Variants in KATNAL2 observed in about 807,000 individuals in gnomAD.
KATNAL2 encodes the protein katanin p60 ATPase-containing subunit A-like 2.
Under a neutral mutation model 76.3 loss-of-function variants are expected in KATNAL2, and 52 were observed. The ratio of observed to expected loss-of-function variants is 0.68; its 90% CI spans 0.55 to 0.86. The LOEUF (loss-of-function observed/expected upper bound fraction) is 0.86, where lower values mean the gene tolerates loss of function less well. Among genes scored for constraint, KATNAL2 ranks in the 40% least tolerant of loss-of-function variants. The probability of loss-of-function intolerance (pLI) is 0.00; values close to 1 mark genes in which losing one functional copy is unlikely to be tolerated. For missense variants in KATNAL2, 660 were observed against 668.9 expected (o/e 0.99, Z 0.15); for synonymous variants, 243 against 244.2 (o/e 1.00, Z 0.05).
At chr18:47,090,129 CAG>C (rs576513485) in intron 15 of KATNAL2, among the ~76,000 whole-genome samples, 147 of 151,324 alleles carry the variant, frequency 9.7e-4, no homozygotes, top group Non-Finnish European at 2.1e-3. Flanking sequence ...TTTTTTGAGA[CAG>C]AGTCTCACTC....
chr18:46,926,160 C>A (rs1568975944), intron 1 of KATNAL2, among the ~76,000 whole-genome samples: 3 of 152,076 alleles, frequency 2.0e-5, no homozygotes, highest in Admixed American at 6.5e-5. Context: ...TTTTCTAGTT[C>A]TTTTAATTGT....
At chr18:47,069,845 T>A (rs1239519423) in intron 13 of KATNAL2, among the ~76,000 whole-genome samples, 1 of 152,158 alleles carries the variant, frequency 6.6e-6, no homozygotes, top group Non-Finnish European at 1.5e-5. Context: ...TTTTTATTCA[T>A]GCAATTTAGG....
intron 11 of KATNAL2, 87 bp downstream of exon 11, chr18:47,067,206 G>T (rs1271440113): frequency 1.7e-6 from 1 of 580,128 alleles, no homozygotes; most frequent in Non-Finnish European, 3.0e-6. Flanking sequence ...GAAGGGAAGG[G>T]CAGGATGATT....
intron 1 of KATNAL2, among the ~76,000 whole-genome samples, chr18:46,922,836 C>G (rs918148993): frequency 6.7e-6 from 1 of 149,672 alleles, no homozygotes; most frequent in Admixed American, 6.7e-5. Flanking sequence ...ACATAAACTT[C>G]GAAAGCATAG....
intron 3 of KATNAL2, among the ~76,000 whole-genome samples, chr18:46,961,965 G>T (rs903283211): frequency 2.6e-5 from 4 of 152,218 alleles, no homozygotes; most frequent in African/African-American, 9.6e-5. Flanking sequence ...CAGGGAGTCT[G>T]CGGAAAGAGC....
intron 3 of KATNAL2, among the ~76,000 whole-genome samples, chr18:47,039,405 A>T (rs1446961020): frequency 1.3e-5 from 2 of 152,128 alleles, no homozygotes; most frequent in Non-Finnish European, 2.9e-5. Flanking sequence ...TGCCTCCTGC[A>T]GTTCTCCCAT....
chr18:47,031,621 A>G (rs2060452792), intron 3 of KATNAL2, among the ~76,000 whole-genome samples: 1 of 152,106 alleles, frequency 6.6e-6, no homozygotes, highest in African/African-American at 2.4e-5. Flanking sequence ...GTAGTGTAAT[A>G]CTGGCAATTC....
chr18:47,035,324 C>T (rs1005001060), intron 3 of KATNAL2: 17 of 1,608,648 alleles, frequency 1.1e-5, no homozygotes, highest in African/African-American at 2.7e-5. Context: ...TTTGGGGCTG[C>T]GGGACAGGAA....
At chr18:46,959,492 G>T (rs1279538159) in intron 3 of KATNAL2, among the ~76,000 whole-genome samples, 1 of 152,012 alleles carries the variant, frequency 6.6e-6, no homozygotes, top group Non-Finnish European at 1.5e-5. Context: ...AGAATATACA[G>T]ACATAAATTT....
At chr18:47,061,850 T>A (rs999125060) in intron 8 of KATNAL2, among the ~76,000 whole-genome samples, 1 of 140,690 alleles carries the variant, frequency 7.1e-6, no homozygotes, top group African/African-American at 2.6e-5. Context: ...CCATAAATGT[T>A]AACTATTATT....
intron 13 of KATNAL2, among the ~76,000 whole-genome samples, chr18:47,074,402 G>C (rs185678326): frequency 3.9e-5 from 6 of 152,288 alleles, no homozygotes; most frequent in East Asian, 3.9e-4. Context: ...TGGTTTGCTA[G>C]TGCTAAGTGA....
chr18:46,917,654 G>T lies in KATNAL2; in HGVS notation c.-782G>T. The T allele has an allele frequency of 1.4e-6, 1 of 725,986 alleles. No individual in the cohort carries two copies. Among genetic ancestry groups the T allele is most frequent in the Non-Finnish European group, 1.7e-6 (1 of 590,596 alleles). The allele number at this position is 725,986 out of a possible 1,614,324, so 45.0% of individuals were successfully genotyped here. A position where few individuals can be genotyped will look rare whatever the true frequency, so the allele number is the denominator to read the frequency against. ...CGCCTGCCCCGGCGTGCTGCCCCGCGGCTTGGCCCCGCTCGGCCCCAGGTC... is the reference window on the plus strand; with the variant it reads ...CGCCTGCCCCGGCGTGCTGCCCCGCTGCTTGGCCCCGCTCGGCCCCAGGTC... On this transcript the variant is annotated 5_prime_UTR_variant, in exon 1 of 18. Coordinates refer to ENST00000683218, the MANE Select transcript of KATNAL2 (RefSeq NM_001387690.1).
chr18:47,037,133 G>A (rs1433477148), intron 3 of KATNAL2, among the ~76,000 whole-genome samples: 1 of 152,192 alleles, frequency 6.6e-6, no homozygotes, highest in African/African-American at 2.4e-5. Context: ...ATTGAAACGA[G>A]CTCATGCAAA....
chr18:47,058,377 G>A lies in KATNAL2; in HGVS notation c.450+25G>A, dbSNP rs753098236. On this transcript the variant is annotated intron_variant, in intron 7 of 17. Transcript: ENST00000683218. Reference sequence around the variant, plus strand: ...GGTCAGGATGGCTTGGCTTGACTTTGTGAACAGCACACTTGGCTGAAAAAT... The same window carrying A: ...GGTCAGGATGGCTTGGCTTGACTTTATGAACAGCACACTTGGCTGAAAAAT... 1.2e-5 allele frequency: 16 copies of A among 1,344,442 alleles called. No homozygotes were observed. In the South Asian group the frequency reaches 1.7e-4, roughly 14 times the overall value. The allele number at this position is 1,344,442 out of a possible 1,614,324, so 83.3% of individuals were successfully genotyped here.
At chr18:47,031,600 C>G (rs942475354) in intron 3 of KATNAL2, among the ~76,000 whole-genome samples, 1 of 152,126 alleles carries the variant, frequency 6.6e-6, no homozygotes, top group Non-Finnish European at 1.5e-5. Context: ...AGCTACTTCT[C>G]CAGGAGAATC....
chr18:47,101,998 C>T lies in KATNAL2; in HGVS notation c.*993C>T, dbSNP rs557787544. 2 of 152,178 alleles carry T rather than the reference C, an allele frequency of 1.3e-5. No individual in the cohort carries two copies. Among genetic ancestry groups the T allele is most frequent in the Non-Finnish European group, 2.9e-5 (2 of 68,042 alleles). The allele number at this position is 152,178 out of a possible 1,614,324, so 9.4% of individuals were successfully genotyped here. On this transcript the variant is annotated 3_prime_UTR_variant, in exon 18 of 18. Coordinates refer to ENST00000683218, the MANE Select transcript of KATNAL2 (RefSeq NM_001387690.1). The stretch of plus-strand genomic sequence containing the variant: ...ATGGGAAATCACCTTCTTTTCTCTT[C>T]CTTGCCTTGTCTTCATCATCCCTGC...
chr18:46,952,300 C>T (rs1055616704), intron 3 of KATNAL2, among the ~76,000 whole-genome samples: 2 of 151,914 alleles, frequency 1.3e-5, no homozygotes, highest in East Asian at 1.9e-4. Flanking sequence ...GTTTCAAACC[C>T]CTGGCCTCAA....
At chr18:46,953,013 G>A (rs1402644658) in intron 3 of KATNAL2, among the ~76,000 whole-genome samples, 1 of 149,840 alleles carries the variant, frequency 6.7e-6, no homozygotes, top group Admixed American at 6.7e-5. Flanking sequence ...TCCTGACTCA[G>A]CCTTCTGAGT....
At chr18:46,932,973 G>A (rs1246534749) in intron 1 of KATNAL2, among the ~76,000 whole-genome samples, 4 of 151,968 alleles carry the variant, frequency 2.6e-5, no homozygotes, top group Admixed American at 6.6e-5. Context: ...ATGTTGGCCA[G>A]GCTGGTCTCA....
Sources: gnomAD v4.1 joint callset for allele counts (sites outside exome capture counted in the v4.1 genomes callset) on GRCh38, gnomAD v4.1.1 for gene constraint, MANE v1.5 for transcripts, NCBI Gene and HGNC (gene_info 2026-07-23, HGNC 2026-07-21) for gene names.